The following CACNB4 variants were observed in gnomAD, a reference collection of about 807,000 sequenced individuals.
CACNB4 encodes calcium voltage-gated channel auxiliary subunit beta 4.
In CACNB4, 32 loss-of-function variants were observed where a neutral mutation model predicts 71.2. The observed-to-expected ratio is 0.45, with a 90% CI of 0.34 to 0.60. The LOEUF is 0.60. Among genes scored for constraint, CACNB4 ranks in the 20% least tolerant of loss-of-function variants. The pLI is 0.01. For missense variants in CACNB4, 464 were observed against 647.9 expected, an observed-to-expected ratio of 0.72 and a Z score of 3.08; for synonymous variants, 231 against 236.9, an observed-to-expected ratio of 0.97 and a Z score of 0.23.
At chr2:151,840,322 G>A (rs2099835851) in intron 13 of CACNB4, among the ~76,000 whole-genome samples, 1 of 152,188 alleles carries the variant, frequency 6.6e-6, no homozygotes, top group African/African-American at 2.4e-5. Flanking sequence ...ACTGGGAGAA[G>A]AAATAGGCCA....
At chr2:151,991,158 A>ACT (rs1425193459) in intron 2 of CACNB4, among the ~76,000 whole-genome samples, 1 of 152,090 alleles carries the variant, frequency 6.6e-6, no homozygotes, top group Non-Finnish European at 1.5e-5. Flanking sequence ...GCAGTGATGA[A>ACT]CTCTCTTTAG....
At chr2:151,889,465 CAA>C (rs55990443) in intron 2 of CACNB4, among the ~76,000 whole-genome samples, 351 of 94,658 alleles carry the variant, frequency 3.7e-3, no homozygotes, top group African/African-American at 7.5e-3. Context: ...GACTCTGTCT[CAA>C]AAAAAAAAAA....
chr2:151,996,506 A>C (rs979250820), intron 2 of CACNB4, among the ~76,000 whole-genome samples: 1 of 151,472 alleles, frequency 6.6e-6, no homozygotes, highest in African/African-American at 2.4e-5. Context: ...AGAATAGAGA[A>C]CTCAGAAGCT....
intron 4 of CACNB4, among the ~76,000 whole-genome samples, chr2:151,876,785 ATATAC>A (rs1187602531): frequency 4.2e-5 from 6 of 142,602 alleles, no homozygotes; most frequent in Non-Finnish European, 9.0e-5. Flanking sequence ...ATACTATACT[ATATAC>A]TATATTTTAT....
intron 2 of CACNB4, among the ~76,000 whole-genome samples, chr2:151,997,466 A>G (rs1049904350): frequency 1.3e-5 from 2 of 152,034 alleles, no homozygotes; most frequent in African/African-American, 2.4e-5. Flanking sequence ...CCCAGGAGGC[A>G]GAGCTTGCAG....
intron 2 of CACNB4, among the ~76,000 whole-genome samples, chr2:152,048,088 G>C (rs115859550): frequency 7.6e-4 from 116 of 152,198 alleles, no homozygotes; most frequent in African/African-American, 2.7e-3. Context: ...AGTTCAGTTG[G>C]GTAACACTGC....
At chr2:152,020,391 G>A (rs530488026) in intron 2 of CACNB4, among the ~76,000 whole-genome samples, 1 of 152,324 alleles carries the variant, frequency 6.6e-6, no homozygotes, top group Admixed American at 6.5e-5. Context: ...CAATGAAGTT[G>A]TGATGATGCT....
chr2:151,913,765 CA>C (rs35438699), intron 2 of CACNB4, among the ~76,000 whole-genome samples: 13 of 120,466 alleles, frequency 1.1e-4, no homozygotes, highest in African/African-American at 1.6e-4. Flanking sequence ...GACTCCATCT[CA>C]AAAAAAAAAA....
intron 2 of CACNB4, among the ~76,000 whole-genome samples, chr2:151,886,182 T>A (rs558877181): frequency 8.5e-5 from 13 of 152,238 alleles, no homozygotes; most frequent in Admixed American, 3.3e-4. Context: ...GGAAATGGGA[T>A]GTGTGATGGA....
intron 2 of CACNB4, among the ~76,000 whole-genome samples, chr2:151,952,125 C>T (rs2099867056): frequency 6.6e-6 from 1 of 152,008 alleles, no homozygotes; most frequent in Non-Finnish European, 1.5e-5. Flanking sequence ...TAGTGAAGGG[C>T]ACTATTCACA....
At chr2:151,935,365 T>C (rs549776465) in intron 2 of CACNB4, among the ~76,000 whole-genome samples, 7 of 152,362 alleles carry the variant, frequency 4.6e-5, no homozygotes, top group East Asian at 3.9e-4. Context: ...ATTACACTTA[T>C]ATACCACAAA....
chr2:151,921,187 T>TTAA (rs1553775409), intron 2 of CACNB4, among the ~76,000 whole-genome samples: 1 of 147,288 alleles, frequency 6.8e-6, no homozygotes, highest in Admixed American at 6.7e-5. Flanking sequence ...ATAAATAAGT[T>TTAA]AAAAAAAAAC....
At chr2:151,842,169 A>G (rs2099836386) in intron 12 of CACNB4, 81 bp from the exon 13 acceptor site, 1 of 1,191,722 alleles carries the variant, frequency 8.4e-7, no homozygotes. Flanking sequence ...AACACAGATA[A>G]TAGCATTTTT....
At chr2:151,974,013 C>T (rs1276049970) in intron 2 of CACNB4, 1 of 1,137,380 alleles carries the variant, frequency 8.8e-7, no homozygotes, top group Non-Finnish European at 1.1e-6. Flanking sequence ...GGCTCGGCTT[C>T]CCTGCTTCAG....
At chr2:151,971,608 T>C (rs1579040880) in intron 2 of CACNB4, 1 of 703,010 alleles carries the variant, frequency 1.4e-6, no homozygotes, top group Non-Finnish European at 2.6e-6. Flanking sequence ...TGTGGCTTTA[T>C]GTGTCACTTC....
At chr2:151,905,843 A>G (rs1326221928) in intron 2 of CACNB4, among the ~76,000 whole-genome samples, 1 of 152,238 alleles carries the variant, frequency 6.6e-6, no homozygotes, top group Non-Finnish European at 1.5e-5. Context: ...ACAATTTCAT[A>G]ATTAAACTTT....
intron 2 of CACNB4, among the ~76,000 whole-genome samples, chr2:151,927,894 C>CT (rs2099860649): frequency 6.6e-6 from 1 of 152,228 alleles, no homozygotes; most frequent in Non-Finnish European, 1.5e-5. Context: ...TGCTTTTCCC[C>CT]TCACTCCTTC....
rs534029067 is a variant in CACNB4, at chr2:151,939,369, G to T, written c.148-55999C>A. 3.7e-4 allele frequency among the ~76,000 whole-genome samples: 56 copies of T among 152,320 alleles called. No individual in the cohort carries two copies. In the South Asian group the frequency reaches 0.011, roughly 30 times the overall value. On this transcript the variant is annotated intron_variant, in intron 2 of 13. Coordinates refer to ENST00000539935, the MANE Select transcript of CACNB4 (RefSeq NM_000726.5). Reference sequence around the variant, plus strand: ...TGTTCAAAGAGCAAAGCAGAGGACAGTCACCTACCATTGAGAGTCAGGAGG... The same window carrying T: ...TGTTCAAAGAGCAAAGCAGAGGACATTCACCTACCATTGAGAGTCAGGAGG...
At chr2:151,990,061 T>C (rs1445623295) in intron 2 of CACNB4, among the ~76,000 whole-genome samples, 3 of 152,148 alleles carry the variant, frequency 2.0e-5, no homozygotes, top group Non-Finnish European at 1.5e-5. Context: ...TCAAGTCCCA[T>C]ATATCTTTCC....
Sources: gnomAD v4.1 joint callset for allele counts (sites outside exome capture counted in the v4.1 genomes callset) on GRCh38, gnomAD v4.1.1 for gene constraint, MANE v1.5 for transcripts, NCBI Gene and HGNC (gene_info 2026-07-23, HGNC 2026-07-21) for gene names.